Variants in GPR161 observed in about 807,000 individuals in gnomAD.
GPR161 encodes the protein G protein-coupled receptor 161.
Under a neutral mutation model 39.2 loss-of-function variants are expected in GPR161, and 25 were observed. The observed-to-expected ratio is 0.64, with a 90% CI of 0.47 to 0.89. The LOEUF is 0.89. GPR161 is among the 40% of genes least tolerant of loss of function. The pLI is 0.00. For synonymous variants in GPR161, 286 were observed against 276.6 expected (o/e 1.03, Z -0.34); for missense variants, 547 against 677.8 (o/e 0.81, Z 2.14).
At chr1:168,136,265 C>A in intron 1 of GPR161, 1 of 1,429,406 alleles carries the variant, frequency 7.0e-7, no homozygotes, top group South Asian at 1.4e-5. Context: ...ACCTGGTCCT[C>A]ACGGATTCCA....
At position 168,122,227 on chromosome 1, in the gene GPR161, G is replaced by T. The variant is rs746954533; in HGVS notation, c.-45+14512C>A. ...CCAGTTGTGCAGGCCCTAGACTACG[G>T]AGTCACTCCTGGCTCCTCATTCTCT... On this transcript the variant is annotated intron_variant, in intron 1 of 5. Coordinates refer to ENST00000682931, the MANE Select transcript of GPR161 (RefSeq NM_001375883.1). Among the ~76,000 whole-genome samples the T allele has an allele frequency of 3.9e-5, 6 of 151,942 alleles. No homozygotes were observed. In the South Asian group the frequency reaches 1.0e-3, roughly 26 times the overall value.
Position 168,085,655 on chromosome 1 carries a change from A to C in GPR161, c.1466T>G (p.Val489Gly), listed in dbSNP as rs755222954. The change falls in exon 6 of 6, where the codon GTT becomes GGT. Residue 489 changes from valine (V) to glycine (G), a missense_variant. By Grantham distance (109) the Val-to-Gly change is moderately radical (BLOSUM62 -3). Coordinates refer to ENST00000682931, the MANE Select transcript of GPR161 (RefSeq NM_001375883.1). ...GCCCCCCGGGACAGTCCGTGCTGTA[A>C]CCAAGACCCCTGGCAAAGCCTCCTC... ...FGEEALPGVLVTARTVPGGGF... is the reference protein window; with the variant it reads ...FGEEALPGVLGTARTVPGGGF... 1.9e-6 allele frequency: 3 copies of C among 1,614,186 alleles called. No homozygotes were observed. Among genetic ancestry groups the C allele is most frequent in the Non-Finnish European group, 1.7e-6 (2 of 1,180,036 alleles).
Position 168,085,555 on chromosome 1 carries a change from ATCTCCT to A in GPR161, c.1560_1565del (p.Glu520_Gly521del). 6.2e-7 allele frequency: 1 copy of A among 1,613,514 alleles called. No individual in the cohort carries two copies. Among genetic ancestry groups the A allele is most frequent in the Non-Finnish European group, 8.5e-7 (1 of 1,179,760 alleles). On this transcript the variant is annotated inframe_deletion, in exon 6 of 6. Transcript: ENST00000682931. Reference sequence around the variant, plus strand: ...CTCATCTCTGCTCGGCAGCTAAAACATCTCCTTCTTCGATGCTCTGCAACTGCAGCC... The same window carrying A: ...CTCATCTCTGCTCGGCAGCTAAAACATCTTCGATGCTCTGCAACTGCAGCC...
chr1:168,087,338 T>G (rs1031951899), intron 5 of GPR161, among the ~76,000 whole-genome samples: 44 of 151,452 alleles, frequency 2.9e-4, no homozygotes, highest in African/African-American at 9.9e-4. Context: ...CGTGTGGGTG[T>G]GTGTGTGTGT....
At chr1:168,136,469 G>T (rs1699381916) in intron 1 of GPR161, 2 of 1,270,846 alleles carry the variant, frequency 1.6e-6, no homozygotes, top group Admixed American at 4.2e-5. Context: ...AATGGGGTGG[G>T]CCTCTCAGAA....
rs1303033732 is a variant in GPR161, at chr1:168,119,245, C to CAT, written c.-44-14353_-44-14352dup. On this transcript the variant is annotated intron_variant, in intron 1 of 5. Coordinates refer to ENST00000682931, the MANE Select transcript of GPR161 (RefSeq NM_001375883.1). ...ATATATACGTATATATATATATACA[C>CAT]ATATATATATACGTATATATATGTG... Among the ~76,000 whole-genome samples the CAT allele has an allele frequency of 2.6e-4, 27 of 103,346 alleles. 1 individual carries two copies. The highest frequency in any genetic ancestry group is 9.1e-4 in the Admixed American group (10 of 10,978). 67.8% of individuals were successfully genotyped at this position (103,346 alleles called of 152,430 possible).
chr1:168,107,376 A>G (rs565065473), intron 1 of GPR161, among the ~76,000 whole-genome samples: 1 of 152,336 alleles, frequency 6.6e-6, no homozygotes, highest in East Asian at 1.9e-4. Context: ...CTGGGTGATG[A>G]GGGCTCTGCT....
chr1:168,118,323 G>A (rs1440712821), intron 1 of GPR161, among the ~76,000 whole-genome samples: 1 of 152,044 alleles, frequency 6.6e-6, no homozygotes, highest in Admixed American at 6.6e-5. Flanking sequence ...TCAAAAACAA[G>A]CAAAGAGTTA....
At chr1:168,105,227 T>C (rs1444728421) in intron 1 of GPR161, among the ~76,000 whole-genome samples, 1 of 152,178 alleles carries the variant, frequency 6.6e-6, no homozygotes, top group Non-Finnish European at 1.5e-5. Context: ...GCTCCACCAC[T>C]AGAGGTTCTG....
intron 1 of GPR161, among the ~76,000 whole-genome samples, chr1:168,111,852 G>T (rs1303181173): frequency 6.6e-6 from 1 of 151,574 alleles, no homozygotes; most frequent in African/African-American, 2.4e-5. Flanking sequence ...TTTTTTAAAA[G>T]CCTGTATCAA....
chr1:168,117,801 G>A (rs1051613759), intron 1 of GPR161, among the ~76,000 whole-genome samples: 2 of 152,124 alleles, frequency 1.3e-5, no homozygotes, highest in African/African-American at 4.8e-5. Flanking sequence ...TCACTGTGTT[G>A]CAGACTCCTC....
At chr1:168,123,586 G>T in intron 1 of GPR161, among the ~76,000 whole-genome samples, 1 of 135,826 alleles carries the variant, frequency 7.4e-6, no homozygotes. Flanking sequence ...ACACTTGTTT[G>T]CATGGAAGCT....
At chr1:168,088,754 A>C (rs1313460092) in intron 4 of GPR161, 1 of 152,288 alleles carries the variant, frequency 6.6e-6, no homozygotes, top group African/African-American at 2.4e-5. Flanking sequence ...AACAAAGGGC[A>C]GGGCTGAGAC....
In GPR161 at chr1:168,080,248, G is replaced by C. The variant is rs1693970460; in HGVS notation, c.*5283C>G. On this transcript the variant is annotated 3_prime_UTR_variant, in exon 6 of 6. Transcript: ENST00000682931. ...ATAATAGTTCTACATACCTAATAAA[G>C]CCCTGCTGGCCTGTTCTGTGATACT... is the stretch of plus-strand genomic sequence containing the variant. 6.6e-6 allele frequency: 1 copy of C among 152,064 alleles called. No homozygotes were observed. The highest frequency in any genetic ancestry group is 2.4e-5 in the African/African-American group (1 of 41,394). The allele number at this position is 152,064 out of a possible 1,614,324, so 9.4% of individuals were successfully genotyped here. A position where few individuals can be genotyped will look rare whatever the true frequency, so the allele number is the denominator to read the frequency against.
chr1:168,092,867 C>T (rs147128682), intron 3 of GPR161, among the ~76,000 whole-genome samples: 66 of 152,230 alleles, frequency 4.3e-4, no homozygotes, highest in African/African-American at 1.4e-3. Flanking sequence ...CAGGAGATAA[C>T]GGGAAAGGCT....
At chr1:168,109,125 A>G (rs1696899474) in intron 1 of GPR161, among the ~76,000 whole-genome samples, 1 of 152,228 alleles carries the variant, frequency 6.6e-6, no homozygotes, top group Non-Finnish European at 1.5e-5. Flanking sequence ...GTGAATGAAA[A>G]CAAGACTAGG....
In GPR161 at chr1:168,084,554, T is replaced by C; in HGVS notation, c.*977A>G. On this transcript the variant is annotated 3_prime_UTR_variant, in exon 6 of 6. Transcript: ENST00000682931. ...TTCTATCTTATTTATACCAGGCTTG[T>C]GATAATAGTAACTGTTGCTCTTGGG... 1 of 351,872 alleles carries C rather than the reference T, an allele frequency of 2.8e-6. No homozygotes were observed. Among genetic ancestry groups the C allele is most frequent in the Non-Finnish European group, 5.5e-6 (1 of 180,708 alleles). 21.8% of individuals were successfully genotyped at this position (351,872 alleles called of 1,614,324 possible).
chr1:168,096,812 C>G lies in GPR161; in HGVS notation c.795G>C (p.Gln265His). Reference sequence around the variant, plus strand: ...CCAGGATGGTGATGAGGGCTTTGCACTGGTTGGCCGAGTAGACCACACCCT... The same window carrying G: ...CCAGGATGGTGATGAGGGCTTTGCAGTGGTTGGCCGAGTAGACCACACCCT... ...AFQGVVYSAN[Q>H]CKALITILVV... Residue 265 changes from glutamine (Q) to histidine (H), a missense_variant, in exon 3 of 6, where the codon CAG (glutamine) becomes CAC (histidine). Transcript: ENST00000682931. 6.2e-7 allele frequency: 1 copy of G among 1,614,160 alleles called. No individual in the cohort carries two copies. The highest frequency in any genetic ancestry group is 1.7e-5 in the Admixed American group (1 of 60,034).
rs275140 is a variant in GPR161, at chr1:168,085,885, G to A, written c.1325-89C>T. 0.017 allele frequency: 20,278 copies of A among 1,208,244 alleles called. 2,184 individuals carry two copies. The African/African-American group carries it at 0.25, about 15-fold the overall frequency. The allele number at this position is 1,208,244 out of a possible 1,614,324, so 74.8% of individuals were successfully genotyped here. A position where few individuals can be genotyped will look rare whatever the true frequency, so the allele number is the denominator to read the frequency against. Reference sequence around the variant, plus strand: ...AAGCCTGCTGCTGCTCCACCACCCCGGGGAGGGAGACAAACCGCAGTTAAG... The same window carrying A: ...AAGCCTGCTGCTGCTCCACCACCCCAGGGAGGGAGACAAACCGCAGTTAAG... On this transcript the variant is annotated intron_variant, in intron 5 of 5. Coordinates refer to ENST00000682931, the MANE Select transcript of GPR161 (RefSeq NM_001375883.1).
Sources: gnomAD v4.1 joint callset for allele counts (sites outside exome capture counted in the v4.1 genomes callset) on GRCh38, gnomAD v4.1.1 for gene constraint, MANE v1.5 for transcripts, NCBI Gene and HGNC (gene_info 2026-07-23, HGNC 2026-07-21) for gene names.